Variants in C1orf185 observed in about 807,000 individuals in gnomAD.
C1orf185 encodes chromosome 1 open reading frame 185.
A neutral mutation model predicts 16.1 loss-of-function variants in C1orf185; 13 were observed. The ratio of observed to expected loss-of-function variants is 0.81; its 90% CI spans 0.53 to 1.28. The LOEUF (loss-of-function observed/expected upper bound fraction) is 1.28. Among genes scored for constraint, C1orf185 ranks in the 50% most tolerant of loss-of-function variants. C1orf185 has a pLI of 0.00. For synonymous variants in C1orf185, 80 were observed against 76.9 expected, an observed-to-expected ratio of 1.04 and a Z score of -0.21; for missense variants, 220 against 225.2, an observed-to-expected ratio of 0.98 and a Z score of 0.15.
intron 3 of C1orf185, among the ~76,000 whole-genome samples, chr1:51,124,936 T>G (rs905080494): frequency 2.6e-5 from 4 of 152,224 alleles, no homozygotes; most frequent in Non-Finnish European, 4.4e-5. Flanking sequence ...CCTCAGAGAT[T>G]ACTCTTCCTT....
chr1:51,139,284 G>A (rs1469270612), intron 3 of C1orf185, among the ~76,000 whole-genome samples: 1 of 151,888 alleles, frequency 6.6e-6, no homozygotes, highest in East Asian at 1.9e-4. Context: ...TGTATTTTTA[G>A]TAGAGACGGG....
rs1302078954 is a variant in C1orf185, at chr1:51,116,388, G to A, written c.123-2278G>A. ...GAGTGCAGTGGTGTGATCTTGGCTC[G>A]CTGCAACCTCCGCCTCCCAGGTTCA... On this transcript the variant is annotated intron_variant, in intron 2 of 4. Transcript: ENST00000371759. Among the ~76,000 whole-genome samples, 8 of 147,672 alleles carry A rather than the reference G, an allele frequency of 5.4e-5. No homozygotes were observed. The South Asian group carries it at 1.1e-3, about 20-fold the overall frequency.
intron 2 of C1orf185, among the ~76,000 whole-genome samples, chr1:51,117,483 GC>G (rs1302024522): frequency 6.6e-6 from 1 of 151,874 alleles, no homozygotes; most frequent in East Asian, 1.9e-4. Flanking sequence ...TATTTTCACT[GC>G]CCTAAAAGTC....
At chr1:51,111,450 G>A (rs746452127) in intron 1 of C1orf185, among the ~76,000 whole-genome samples, 2 of 141,110 alleles carry the variant, frequency 1.4e-5, no homozygotes, top group Non-Finnish European at 3.0e-5. Context: ...TTAGTTCACT[G>A]TAATCTCAAA....
At chr1:51,121,275 C>T (rs1043518792) in intron 3 of C1orf185, among the ~76,000 whole-genome samples, 2 of 152,090 alleles carry the variant, frequency 1.3e-5, no homozygotes, top group African/African-American at 4.8e-5. Flanking sequence ...CCACCCCCAG[C>T]CCCTGGTATC....
intron 3 of C1orf185, among the ~76,000 whole-genome samples, chr1:51,131,737 TA>T (rs1162685963): frequency 1.3e-5 from 2 of 152,208 alleles, no homozygotes; most frequent in East Asian, 3.8e-4. Flanking sequence ...CATTTAAACC[TA>T]AAATAAGCAA....
chr1:51,108,057 A>C (rs1646086970), intron 1 of C1orf185, among the ~76,000 whole-genome samples: 2 of 152,200 alleles, frequency 1.3e-5, no homozygotes, highest in African/African-American at 4.8e-5. Flanking sequence ...AGCTTTCATA[A>C]TAATGCTAAA....
intron 3 of C1orf185, among the ~76,000 whole-genome samples, chr1:51,141,753 G>A (rs1449072293): frequency 6.6e-6 from 1 of 152,128 alleles, no homozygotes; most frequent in Non-Finnish European, 1.5e-5. Flanking sequence ...TACTAAGAAT[G>A]AAGATACTCT....
chr1:51,121,247 A>G (rs1392020046), intron 3 of C1orf185, among the ~76,000 whole-genome samples: 1 of 151,948 alleles, frequency 6.6e-6, no homozygotes, highest in Non-Finnish European at 1.5e-5. Context: ...TTTGACCAAC[A>G]TCTCCTCTGT....
chr1:51,135,669 A>C (rs190673843), intron 3 of C1orf185, among the ~76,000 whole-genome samples: 61 of 152,360 alleles, frequency 4.0e-4, no homozygotes, highest in African/African-American at 1.3e-3. Context: ...AAATAATAAG[A>C]GCCATCTATG....
chr1:51,148,923 C>G (rs1646417218), downstream of C1orf185, among the ~76,000 whole-genome samples: 1 of 152,182 alleles, frequency 6.6e-6, no homozygotes. Flanking sequence ...AAGTGAGACC[C>G]TGTCTCAAAA....
chr1:51,115,256 T>G (rs538156950), intron 2 of C1orf185, among the ~76,000 whole-genome samples: 19 of 152,134 alleles, frequency 1.2e-4, no homozygotes, highest in Non-Finnish European at 1.8e-4. Context: ...GAGAATCACT[T>G]GAACCCAGAT....
At chr1:51,115,144 A>G (rs1429941806) in intron 2 of C1orf185, among the ~76,000 whole-genome samples, 1 of 152,086 alleles carries the variant, frequency 6.6e-6, no homozygotes, top group East Asian at 1.9e-4. Context: ...CAGGAGTTGG[A>G]GACCAGTGAA....
At chr1:51,129,997 A>G (rs1371799895) in intron 3 of C1orf185, among the ~76,000 whole-genome samples, 6 of 152,304 alleles carry the variant, frequency 3.9e-5, no homozygotes, top group Admixed American at 3.9e-4. Flanking sequence ...TGCTGCATCA[A>G]TAGTTTGTTC....
chr1:51,150,177 A>G (rs1017425347), downstream of C1orf185, among the ~76,000 whole-genome samples: 1 of 151,824 alleles, frequency 6.6e-6, no homozygotes, highest in African/African-American at 2.4e-5. Flanking sequence ...ATAATAATAT[A>G]ATAAATTGAA....
chr1:51,129,163 G>T (rs749904336), intron 3 of C1orf185, among the ~76,000 whole-genome samples: 59 of 152,250 alleles, frequency 3.9e-4, no homozygotes, highest in Middle Eastern at 3.4e-3. Flanking sequence ...GGGATTACAG[G>T]CGAGAGCCAC....
chr1:51,147,196 A>C (rs1000047459), intron 4 of C1orf185, among the ~76,000 whole-genome samples: 25 of 152,196 alleles, frequency 1.6e-4, no homozygotes, highest in African/African-American at 5.5e-4. Context: ...AAAATAAGGC[A>C]ATCAGTCTTT....
At chr1:51,107,998 GGTATTT>G (rs1646086600) in intron 1 of C1orf185, among the ~76,000 whole-genome samples, 1 of 152,114 alleles carries the variant, frequency 6.6e-6, no homozygotes, top group Admixed American at 6.5e-5. Flanking sequence ...TCCTCAGTTG[GGTATTT>G]GTCTAAGACT....
At chr1:51,103,796 A>G (rs1646050799) in intron 1 of C1orf185, among the ~76,000 whole-genome samples, 1 of 152,122 alleles carries the variant, frequency 6.6e-6, no homozygotes, top group Non-Finnish European at 1.5e-5. Flanking sequence ...TGGCCTCCCA[A>G]ACTGCTGGGA....
Sources: gnomAD v4.1 joint callset for allele counts (sites outside exome capture counted in the v4.1 genomes callset) on GRCh38, gnomAD v4.1.1 for gene constraint, MANE v1.5 for transcripts, NCBI Gene and HGNC (gene_info 2026-07-23, HGNC 2026-07-21) for gene names.